GRAMD1B: variants seen among roughly 807,000 people sequenced by gnomAD.
GRAMD1B encodes GRAM domain containing 1B, also known as protein Aster-B.
A neutral mutation model predicts 99.7 loss-of-function variants in GRAMD1B; 37 were observed. That is an observed-to-expected ratio of 0.37 (90% CI 0.29 to 0.49). The LOEUF (loss-of-function observed/expected upper bound fraction) is 0.49, where lower values mean the gene tolerates loss of function less well. Among genes scored for constraint, GRAMD1B ranks in the 20% least tolerant of loss-of-function variants. The pLI is 0.98. For missense variants in GRAMD1B, 888 were observed against 1,009.2 expected, an observed-to-expected ratio of 0.88 and a Z score of 1.63; for synonymous variants, 427 against 387.6, an observed-to-expected ratio of 1.10 and a Z score of -1.19.
intron 2 of GRAMD1B, among the ~76,000 whole-genome samples, chr11:123,563,798 C>A (rs985945607): frequency 1.3e-5 from 2 of 152,136 alleles, no homozygotes; most frequent in South Asian, 2.1e-4. Flanking sequence ...TAGCAGGAGA[C>A]AATGAGAAGG....
chr11:123,566,846 G>A, intron 2 of GRAMD1B, among the ~76,000 whole-genome samples: 1 of 152,172 alleles, frequency 6.6e-6, no homozygotes, highest in East Asian at 1.9e-4. Flanking sequence ...GTATGTGCCA[G>A]TCATTTTGCT....
At chr11:123,613,421 G>A in intron 15 of GRAMD1B, 34 bp from the exon 16 acceptor site, 1 of 1,464,896 alleles carries the variant, frequency 6.8e-7, no homozygotes, top group African/African-American at 1.4e-5. Flanking sequence ...AGGGCTGAAG[G>A]TGGCCTCTCC....
At chr11:123,522,590 A>G (rs1194992232) in intron 2 of GRAMD1B, among the ~76,000 whole-genome samples, 2 of 152,176 alleles carry the variant, frequency 1.3e-5, no homozygotes, top group Non-Finnish European at 2.9e-5. Flanking sequence ...AAGTGCTAGG[A>G]TTACAGGTGT....
chr11:123,527,541 C>T (rs1289011824), intron 2 of GRAMD1B, among the ~76,000 whole-genome samples: 1 of 152,114 alleles, frequency 6.6e-6, no homozygotes, highest in Non-Finnish European at 1.5e-5. Context: ...TACATTTAGT[C>T]CTTGCTTTCT....
intron 19 of GRAMD1B, 38 bp from the exon 20 acceptor site, chr11:123,622,468 G>T (rs377213705): frequency 2.4e-6 from 3 of 1,272,602 alleles, no homozygotes; most frequent in Non-Finnish European, 3.4e-6. Context: ...CACTAAAAGC[G>T]CAGACCCAGG....
intron 2 of GRAMD1B, among the ~76,000 whole-genome samples, chr11:123,521,013 T>C (rs1461901330): frequency 6.6e-6 from 1 of 152,170 alleles, no homozygotes; most frequent in Admixed American, 6.5e-5. Context: ...TCAGAGTTTT[T>C]GTTTTGCTTT....
chr11:123,547,911 G>A (rs1945173963), intron 2 of GRAMD1B, among the ~76,000 whole-genome samples: 1 of 152,082 alleles, frequency 6.6e-6, no homozygotes, highest in Non-Finnish European at 1.5e-5. Context: ...GAGCTTTATG[G>A]CCTTCACCTG....
Position 123,619,177 on chromosome 11 carries a change from C to T in GRAMD1B, c.2497C>T (p.Gln833Ter). Residue 833 changes from glutamine to a stop codon, truncating the protein, a stop_gained, in exon 19 of 20, where the codon CAA becomes TAA. Transcript: ENST00000635736. LOFTEE classifies it high-confidence loss of function. ...ACAAAAGTACCACGATACTGAGCTC[C>T]AAAAATGGAGGGAAATCATCAAATC... is the stretch of plus-strand genomic sequence containing the variant. Reference protein sequence around the residue: ...SQQKYHDTELQKWREIIKSSV... With the variant: ...SQQKYHDTEL 6.4e-7 allele frequency: 1 copy of T among 1,569,118 alleles called. No homozygotes were observed. The highest frequency in any genetic ancestry group is 8.6e-7 in the Non-Finnish European group (1 of 1,156,930).
rs554682768 is a variant in GRAMD1B, at chr11:123,467,310, C to T, written c.375-13506C>T. On this transcript the variant is annotated intron_variant, in intron 1 of 19. Transcript: ENST00000635736. Reference sequence around the variant, plus strand: ...TCAGCCTGGGCAACATAGGGAGACCCTGTCTCAATTTTTTAAAAAATTAAT... The same window carrying T: ...TCAGCCTGGGCAACATAGGGAGACCTTGTCTCAATTTTTTAAAAAATTAAT... Among the ~76,000 whole-genome samples, 20 of 151,548 alleles carry T rather than the reference C, an allele frequency of 1.3e-4. No individual in the cohort carries two copies. The South Asian group carries it at 4.2e-3, about 32-fold the overall frequency.
intron 1 of GRAMD1B, among the ~76,000 whole-genome samples, chr11:123,470,851 C>T (rs1950982625): frequency 6.6e-6 from 1 of 152,118 alleles, no homozygotes; most frequent in African/African-American, 2.4e-5. Context: ...AACTCAAATC[C>T]TGGGTTTGAT....
intron 2 of GRAMD1B, among the ~76,000 whole-genome samples, chr11:123,514,707 T>A (rs763778870): frequency 1.3e-5 from 2 of 152,230 alleles, no homozygotes; most frequent in African/African-American, 2.4e-5. Flanking sequence ...TGAGACTGCA[T>A]AGACACTGCG....
chr11:123,561,797 G>A (rs1946797806), intron 2 of GRAMD1B, among the ~76,000 whole-genome samples: 1 of 152,170 alleles, frequency 6.6e-6, no homozygotes. Flanking sequence ...ATAGCACTCG[G>A]CAGGTTAGAG....
intron 1 of GRAMD1B, among the ~76,000 whole-genome samples, chr11:123,406,705 C>T (rs533952708): frequency 2.0e-5 from 3 of 152,312 alleles, no homozygotes; most frequent in Admixed American, 2.0e-4. Flanking sequence ...ACAATGAAGA[C>T]TTCCAGCCCT....
At chr11:123,417,134 G>T (rs1002875359) in intron 1 of GRAMD1B, among the ~76,000 whole-genome samples, 2 of 152,180 alleles carry the variant, frequency 1.3e-5, no homozygotes, top group East Asian at 3.9e-4. Context: ...CAGCACTTTC[G>T]GAGGCCGAGA....
chr11:123,555,392 A>C (rs1946077102), intron 2 of GRAMD1B, among the ~76,000 whole-genome samples: 1 of 152,166 alleles, frequency 6.6e-6, no homozygotes, highest in Admixed American at 6.5e-5. Flanking sequence ...TCTGTCACCG[A>C]GGCTGGGGTG....
chr11:123,385,116 C>G (rs1947011268), intron 1 of GRAMD1B, among the ~76,000 whole-genome samples: 1 of 152,210 alleles, frequency 6.6e-6, no homozygotes. Flanking sequence ...AAAGCCTCTC[C>G]ACTTGCTTGT....
intron 1 of GRAMD1B, among the ~76,000 whole-genome samples, chr11:123,374,918 G>A (rs114996529): frequency 0.011 from 1,650 of 152,256 alleles, 31 homozygotes; most frequent in African/African-American, 0.038. Context: ...TTTGACCTTG[G>A]CATTGATCCA....
chr11:123,432,746 T>C (rs1422072690), intron 1 of GRAMD1B, among the ~76,000 whole-genome samples: 5 of 151,936 alleles, frequency 3.3e-5, no homozygotes, highest in Non-Finnish European at 5.9e-5. Context: ...GTTGGGTGCA[T>C]AAGACTGGCT....
At chr11:123,444,768 C>T (rs1949562641) in intron 1 of GRAMD1B, among the ~76,000 whole-genome samples, 1 of 152,154 alleles carries the variant, frequency 6.6e-6, no homozygotes, top group African/African-American at 2.4e-5. Context: ...ACGAGTTCAG[C>T]AACCCAGAAG....
Sources: allele counts gnomAD v4.1 joint callset (sites outside exome capture counted in the v4.1 genomes callset), GRCh38; gene constraint gnomAD v4.1.1; transcripts MANE v1.5; gene names NCBI Gene and HGNC (gene_info 2026-07-23, HGNC 2026-07-21).